The following CISD3 variants were observed in gnomAD, a reference collection of about 807,000 sequenced individuals.
The protein encoded by CISD3 is CDGSH iron sulfur domain 3, also known as CDGSH iron-sulfur domain-containing protein 3, mitochondrial.
A neutral mutation model predicts 14.1 loss-of-function variants in CISD3; 11 were observed. The observed-to-expected ratio is 0.78, with a 90% confidence interval of 0.49 to 1.29. The LOEUF is 1.29. Ranked by LOEUF, CISD3 falls within the 50% of genes most tolerant of loss-of-function variation. The pLI is 0.00. For missense variants in CISD3, 156 were observed against 171.6 expected, an observed-to-expected ratio of 0.91 and a Z score of 0.51; for synonymous variants, 53 against 69.2, an observed-to-expected ratio of 0.77 and a Z score of 1.16.
At position 38,733,785 on chromosome 17, in the gene CISD3, A is replaced by G. The variant is rs1197850393; in HGVS notation, c.*330A>G. ...GTGGGCTGGGGGCACCTGACCAGCC[A>G]CAGGAGAGGGCAGTTCAGATTCATT... On this transcript the variant is annotated 3_prime_UTR_variant, in exon 4 of 4. Coordinates refer to ENST00000613478, the MANE Select transcript of CISD3 (RefSeq NM_001136498.2). 2 of 306,396 alleles carry G rather than the reference A, an allele frequency of 6.5e-6. No homozygotes were observed. The highest frequency in any genetic ancestry group is 1.2e-5 in the Non-Finnish European group (2 of 165,542). The allele number at this position is 306,396 out of a possible 1,614,324, so 19.0% of individuals were successfully genotyped here.
Position 38,734,875 on chromosome 17 carries a change from A to G in CISD3, c.*1420A>G, listed in dbSNP as rs1229399908. The G allele has an allele frequency of 1.1e-5, 2 of 183,918 alleles. No individual in the cohort carries two copies. Among genetic ancestry groups the G allele is most frequent in the Non-Finnish European group, 2.2e-5 (2 of 89,664 alleles). 11.4% of individuals were successfully genotyped at this position (183,918 alleles called of 1,614,324 possible). A position where few individuals can be genotyped will look rare whatever the true frequency, so the allele number is the denominator to read the frequency against. On this transcript the variant is annotated 3_prime_UTR_variant, in exon 4 of 4. Coordinates refer to ENST00000613478, the MANE Select transcript of CISD3 (RefSeq NM_001136498.2). Reference sequence around the variant, plus strand: ...TTGGGAAACAGCGAGGATGGTGCAGAGCTTTATTGAGACTCCAGTGGCCCA... The same window carrying G: ...TTGGGAAACAGCGAGGATGGTGCAGGGCTTTATTGAGACTCCAGTGGCCCA...
Position 38,733,403 on chromosome 17 carries a change from G to T in CISD3, c.332G>T (p.Gly111Val), listed in dbSNP as rs1238159094. The change falls in exon 4 of 4, where the codon GGC becomes GTC. Residue 111 changes from glycine (G) to valine (V), a missense_variant. Transcript: ENST00000613478. Reference protein sequence around the residue: ...KATQRPPYCDGTHRSERVQKA... With the variant: ...KATQRPPYCDVTHRSERVQKA... ...ACTCAGAGGCCCCCGTACTGCGATG[G>T]CACCCACAGGAGTGAGCGCGTGCAG... The T allele has an allele frequency of 6.4e-7, 1 of 1,551,442 alleles. No individual in the cohort carries two copies. The highest frequency in any genetic ancestry group is 1.2e-5 in the South Asian group (1 of 84,058).
In CISD3 at chr17:38,730,919, C is replaced by G. The variant is rs534442606; in HGVS notation, c.84+124C>G. The G allele has an allele frequency of 2.4e-5, 26 of 1,094,236 alleles. No individual in the cohort carries two copies. In the African/African-American group the frequency reaches 4.0e-4, roughly 17 times the overall value. 67.8% of individuals were successfully genotyped at this position (1,094,236 alleles called of 1,614,324 possible). ...TATTCCCTGGAGTTAGCCCGTGGCT[C>G]TCAGGGAGGTGGGGCGGACCAGAGG... On this transcript the variant is annotated intron_variant, in intron 2 of 3. Transcript: ENST00000613478.
chr17:38,735,198 G>A lies in CISD3; in HGVS notation c.*1743G>A. The A allele has an allele frequency of 7.3e-7, 1 of 1,377,130 alleles. No individual in the cohort carries two copies. The highest frequency in any genetic ancestry group is 9.5e-7 in the Non-Finnish European group (1 of 1,055,134). The allele number at this position is 1,377,130 out of a possible 1,614,324, so 85.3% of individuals were successfully genotyped here. Reference sequence around the variant, plus strand: ...GTGGAAGGAGTGGAGAGGCTTGGCTGGAAGAAGGGAGAGGGTCCCTGGCCT... The same window carrying A: ...GTGGAAGGAGTGGAGAGGCTTGGCTAGAAGAAGGGAGAGGGTCCCTGGCCT... On this transcript the variant is annotated 3_prime_UTR_variant, in exon 4 of 4. Coordinates refer to ENST00000613478, the MANE Select transcript of CISD3 (RefSeq NM_001136498.2).
At chr17:38,730,487 G>C in intron 1 of CISD3, 81 bp downstream of exon 1, 1 of 1,137,298 alleles carries the variant, frequency 8.8e-7, no homozygotes, top group Non-Finnish European at 1.2e-6. Context: ...CCCCGGCCCG[G>C]CCGAGCATCC....
rs1242535395 is a variant in CISD3, at chr17:38,735,587, G to A, written c.*2132G>A. ...GGCTGGCTGGACACGGTACTTGAGG[G>A]GGAGAGGCCCGTTCTGCGGGGAGAG... On this transcript the variant is annotated 3_prime_UTR_variant, in exon 4 of 4. Coordinates refer to ENST00000613478, the MANE Select transcript of CISD3 (RefSeq NM_001136498.2). The A allele has an allele frequency of 6.4e-7, 1 of 1,572,866 alleles. No homozygotes were observed. The highest frequency in any genetic ancestry group is 2.3e-5 in the East Asian group (1 of 43,460).
chr17:38,730,718 A>G (rs367664577), intron 1 of CISD3, 42 bp from the exon 2 acceptor site: 12 of 1,549,504 alleles, frequency 7.7e-6, no homozygotes, highest in South Asian at 2.4e-5. Flanking sequence ...CCGTTTCCAA[A>G]CCACCGTCTT....
At chr17:38,730,942 A>G in intron 2 of CISD3, 147 bp downstream of exon 2, 1 of 876,256 alleles carries the variant, frequency 1.1e-6, no homozygotes, top group Non-Finnish European at 1.8e-6. Flanking sequence ...GGCGGACCAG[A>G]GGGCACTGGG....
Position 38,735,210 on chromosome 17 carries a change from A to G in CISD3, c.*1755A>G, listed in dbSNP as rs953417116. ...GAGAGGCTTGGCTGGAAGAAGGGAGAGGGTCCCTGGCCTCAAGTTAAGGGG... is the reference window on the plus strand; with the variant it reads ...GAGAGGCTTGGCTGGAAGAAGGGAGGGGGTCCCTGGCCTCAAGTTAAGGGG... On this transcript the variant is annotated 3_prime_UTR_variant, in exon 4 of 4. Coordinates refer to ENST00000613478, the MANE Select transcript of CISD3 (RefSeq NM_001136498.2). The G allele has an allele frequency of 5.8e-6, 8 of 1,389,938 alleles. No individual in the cohort carries two copies. In the African/African-American group the frequency reaches 7.3e-5, roughly 13 times the overall value. 86.1% of individuals were successfully genotyped at this position (1,389,938 alleles called of 1,614,324 possible).
In CISD3 at chr17:38,733,405, A is replaced by C. The variant is rs758622276; in HGVS notation, c.334A>C (p.Thr112Pro). ...ATQRPPYCDG[T>P]HRSERVQKAE... The stretch of plus-strand genomic sequence containing the variant: ...TCAGAGGCCCCCGTACTGCGATGGC[A>C]CCCACAGGAGTGAGCGCGTGCAGAA... Residue 112 changes from threonine to proline, a missense_variant, in exon 4 of 4, where the codon ACC becomes CCC. By Grantham distance (38) the Thr-to-Pro change is conservative. Transcript: ENST00000613478. 1 of 1,551,458 alleles carries C rather than the reference A, an allele frequency of 6.4e-7. No homozygotes were observed. The highest frequency in any genetic ancestry group is 1.4e-5 in the African/African-American group (1 of 73,180).
At chr17:38,731,823 C>T (rs556960398) in intron 3 of CISD3, 2 of 227,852 alleles carry the variant, frequency 8.8e-6, no homozygotes, top group East Asian at 2.1e-4. Flanking sequence ...CCTGGTATTT[C>T]CTGGCGGTCT....
At position 38,733,442 on chromosome 17, in the gene CISD3, G is replaced by A; in HGVS notation, c.371G>A (p.Gly124Asp). Residue 124 changes from glycine (G) to aspartate (D), a missense_variant, in exon 4 of 4, where the codon GGC becomes GAC. Transcript: ENST00000613478. ...GAGCGCGTGCAGAAGGCAGAAGTGGGCTCCCCACTCTGAGGGGGCTGCTGC... is the reference window on the plus strand; with the variant it reads ...GAGCGCGTGCAGAAGGCAGAAGTGGACTCCCCACTCTGAGGGGGCTGCTGC... ...RSERVQKAEV[G>D]SPL 6.5e-7 allele frequency: 1 copy of A among 1,536,112 alleles called. No individual in the cohort carries two copies. Among genetic ancestry groups the A allele is most frequent in the Non-Finnish European group, 8.8e-7 (1 of 1,136,822 alleles).
Position 38,733,576 on chromosome 17 carries a change from T to C in CISD3, c.*121T>C, listed in dbSNP as rs1243472772. The C allele has an allele frequency of 9.7e-7, 1 of 1,027,404 alleles. No homozygotes were observed. The highest frequency in any genetic ancestry group is 2.7e-5 in the East Asian group (1 of 36,836). The allele number at this position is 1,027,404 out of a possible 1,614,324, so 63.6% of individuals were successfully genotyped here. A position where few individuals can be genotyped will look rare whatever the true frequency, so the allele number is the denominator to read the frequency against. The stretch of plus-strand genomic sequence containing the variant: ...GACTCTGGTACCCACTGCTGGCTCA[T>C]GAAGGAAGAATTATTCCTTATAACC... On this transcript the variant is annotated 3_prime_UTR_variant, in exon 4 of 4. Coordinates refer to ENST00000613478, the MANE Select transcript of CISD3 (RefSeq NM_001136498.2).
Position 38,730,343 on chromosome 17 carries a change from G to C in CISD3, c.-16G>C. ...GGGGGCGGAGCCAGCGGGCGGGCGCGGCGCGGGAGGCGACCATGCGCGGCG... is the reference window on the plus strand; with the variant it reads ...GGGGGCGGAGCCAGCGGGCGGGCGCCGCGCGGGAGGCGACCATGCGCGGCG... On this transcript the variant is annotated 5_prime_UTR_variant, in exon 1 of 4. Transcript: ENST00000613478. 9.0e-7 allele frequency: 1 copy of C among 1,113,724 alleles called. No homozygotes were observed. Among genetic ancestry groups the C allele is most frequent in the Non-Finnish European group, 1.1e-6 (1 of 913,530 alleles). 69.0% of individuals were successfully genotyped at this position (1,113,724 alleles called of 1,614,324 possible). A position where few individuals can be genotyped will look rare whatever the true frequency, so the allele number is the denominator to read the frequency against.
In CISD3 at chr17:38,733,512, C is replaced by A. The variant is rs1906448077; in HGVS notation, c.*57C>A. 6.9e-7 allele frequency: 1 copy of A among 1,445,128 alleles called. No homozygotes were observed. The highest frequency in any genetic ancestry group is 2.5e-5 in the East Asian group (1 of 40,008). The allele number at this position is 1,445,128 out of a possible 1,614,324, so 89.5% of individuals were successfully genotyped here. On this transcript the variant is annotated 3_prime_UTR_variant, in exon 4 of 4. Transcript: ENST00000613478. ...TTGGCTCCAGGCCTCTGACAGGCAC[C>A]CCCTTCTGTGGGAAAGGAAACAGGT...
At chr17:38,730,686 C>A in intron 1 of CISD3, 74 bp from the exon 2 acceptor site, 2 of 1,468,750 alleles carry the variant, frequency 1.4e-6, no homozygotes, top group Non-Finnish European at 1.9e-6. Context: ...CGTGTCCTTC[C>A]CTTTCCACTG....
chr17:38,731,471 C>G (rs183023647), intron 3 of CISD3, 32 bp downstream of exon 3: 48 of 1,551,178 alleles, frequency 3.1e-5, no homozygotes, highest in Non-Finnish European at 4.2e-5. Context: ...CTACTGATAC[C>G]TCTGGCTAGG....
In CISD3 at chr17:38,733,498, C is replaced by A; in HGVS notation, c.*43C>A. The A allele has an allele frequency of 6.8e-7, 1 of 1,470,146 alleles. No individual in the cohort carries two copies. 91.1% of individuals were successfully genotyped at this position (1,470,146 alleles called of 1,614,324 possible). ...AGCCACAGGTGGCCTTGGCTCCAGG[C>A]CTCTGACAGGCACCCCCTTCTGTGG... On this transcript the variant is annotated 3_prime_UTR_variant, in exon 4 of 4. Transcript: ENST00000613478.
chr17:38,731,801 A>G, intron 3 of CISD3: 16 of 251,120 alleles, frequency 6.4e-5, no homozygotes, highest in South Asian at 4.1e-4. Flanking sequence ...TGAACCCCAA[A>G]AGCCTACAGC....
Sources: allele counts gnomAD v4.1 joint callset, GRCh38; gene constraint gnomAD v4.1.1; transcripts MANE v1.5; gene names NCBI Gene and HGNC (gene_info 2026-07-23, HGNC 2026-07-21).